ADGRG6: variants seen among roughly 807,000 people sequenced by gnomAD.
ADGRG6 encodes the protein adhesion G protein-coupled receptor G6.
In ADGRG6, 84 loss-of-function variants were observed where a neutral mutation model predicts 142.4. The observed-to-expected ratio is 0.59, with a 90% CI of 0.49 to 0.71. The LOEUF (loss-of-function observed/expected upper bound fraction) is 0.71. Among genes scored for constraint, ADGRG6 ranks in the 30% least tolerant of loss-of-function variants. ADGRG6 has a pLI of 0.00. For missense variants in ADGRG6, 1,367 were observed against 1,466.6 expected (o/e 0.93, Z 1.11); for synonymous variants, 521 against 520.5 (o/e 1.00, Z -0.01).
chr6:142,410,939 G>A (rs1776049029), intron 17 of ADGRG6, among the ~76,000 whole-genome samples: 1 of 133,320 alleles, frequency 7.5e-6, no homozygotes, highest in African/African-American at 3.4e-5. Context: ...TCATGAAAAT[G>A]TAGATTAACC....
At chr6:142,305,912 T>A (rs78289098) in intron 1 of ADGRG6, among the ~76,000 whole-genome samples, 2,892 of 152,168 alleles carry the variant, frequency 0.019, 98 homozygotes, top group African/African-American at 0.065. Context: ...CACTTTTTTT[T>A]AAATACATTG....
At chr6:142,425,100 C>G (rs1332801772) in intron 22 of ADGRG6, among the ~76,000 whole-genome samples, 1 of 152,130 alleles carries the variant, frequency 6.6e-6, no homozygotes, top group Non-Finnish European at 1.5e-5. Flanking sequence ...CAGAGAGGCA[C>G]AACAGAGAGG....
At chr6:142,375,215 G>A (rs1781446961) in intron 4 of ADGRG6, among the ~76,000 whole-genome samples, 1 of 152,140 alleles carries the variant, frequency 6.6e-6, no homozygotes, top group African/African-American at 2.4e-5. Flanking sequence ...CAAGCCTTAA[G>A]ATTATCGGAG....
intron 2 of ADGRG6, among the ~76,000 whole-genome samples, chr6:142,313,345 G>GC (rs1717376282): frequency 6.6e-6 from 1 of 151,894 alleles, no homozygotes; most frequent in Non-Finnish European, 1.5e-5. Flanking sequence ...CCATGACTCT[G>GC]AAGATGAATG....
At chr6:142,405,441 T>TC in intron 14 of ADGRG6, 1 of 590,408 alleles carries the variant, frequency 1.7e-6, no homozygotes, top group Non-Finnish European at 3.2e-6. Flanking sequence ...ATAGATTTCT[T>TC]CCTATGTCTT....
intron 2 of ADGRG6, among the ~76,000 whole-genome samples, chr6:142,360,354 T>A (rs1396438664): frequency 6.6e-6 from 1 of 152,180 alleles, no homozygotes; most frequent in African/African-American, 2.4e-5. Context: ...TTTGTTCAGA[T>A]GAGATTAGCC....
intron 2 of ADGRG6, among the ~76,000 whole-genome samples, chr6:142,314,069 T>A (rs1180325610): frequency 6.6e-6 from 1 of 152,206 alleles, no homozygotes; most frequent in East Asian, 1.9e-4. Context: ...GTTTTTCTGT[T>A]TCAGACCTCA....
chr6:142,400,196 T>G (rs770948317), intron 10 of ADGRG6, among the ~76,000 whole-genome samples: 12 of 152,356 alleles, frequency 7.9e-5, no homozygotes, highest in Middle Eastern at 3.4e-3. Context: ...CTGCTAATGA[T>G]TAGAATGATA....
chr6:142,350,685 G>C (rs1055499547), intron 2 of ADGRG6, among the ~76,000 whole-genome samples: 1 of 152,134 alleles, frequency 6.6e-6, no homozygotes, highest in Non-Finnish European at 1.5e-5. Context: ...ATCCTCAAGT[G>C]GAATTCAGTT....
intron 2 of ADGRG6, among the ~76,000 whole-genome samples, chr6:142,320,714 G>A (rs1393537818): frequency 6.6e-6 from 1 of 151,936 alleles, no homozygotes; most frequent in Non-Finnish European, 1.5e-5. Context: ...CATTTTTCTG[G>A]TTTCATAGCC....
In ADGRG6 at chr6:142,393,020, T is replaced by A. The variant is rs1397421100; in HGVS notation, c.1361+20T>A. On this transcript the variant is annotated intron_variant, in intron 8 of 24. Coordinates refer to ENST00000367609, the MANE Select transcript of ADGRG6 (RefSeq NM_198569.3). ...TATCAGGTAAGACAGAATAAATTAT[T>A]TGATAAATTAAAAGTAGTGTCTAAT... 3.0e-6 allele frequency: 4 copies of A among 1,350,378 alleles called. No individual in the cohort carries two copies. Among genetic ancestry groups the A allele is most frequent in the Non-Finnish European group, 4.2e-6 (4 of 946,262 alleles). The allele number at this position is 1,350,378 out of a possible 1,614,324, so 83.6% of individuals were successfully genotyped here.
At chr6:142,377,059 G>C (rs1781533132) in intron 4 of ADGRG6, among the ~76,000 whole-genome samples, 1 of 152,128 alleles carries the variant, frequency 6.6e-6, no homozygotes, top group African/African-American at 2.4e-5. Flanking sequence ...TTCCTCAACT[G>C]CCTGTTTCCA....
In ADGRG6 at chr6:142,393,901, A is replaced by C. The variant is rs1176169806; in HGVS notation, c.1367A>C (p.His456Pro). The stretch of plus-strand genomic sequence containing the variant: ...ATATGTATTTGTGTTTTTAGTTTTC[A>C]CCTGAGTGCTGGAGAGGACAAGATT... ...YTVYVVNISF[H>P]LSAGEDKIKV... The change falls in exon 9 of 25, where the codon CAC becomes CCC. Residue 456 changes from histidine to proline, a missense_variant. Around this residue, in one of 3 missense-constraint regions of ADGRG6, gnomAD observed 737 missense variants for 746.5 expected, o/e 0.99. Coordinates refer to ENST00000367609, the MANE Select transcript of ADGRG6 (RefSeq NM_198569.3). 2.6e-6 allele frequency: 4 copies of C among 1,550,342 alleles called. No individual in the cohort carries two copies. In the African/African-American group the frequency reaches 5.5e-5, roughly 21 times the overall value.
intron 16 of ADGRG6, among the ~76,000 whole-genome samples, chr6:142,409,101 G>A (rs1169606276): frequency 6.6e-6 from 1 of 152,066 alleles, no homozygotes; most frequent in East Asian, 1.9e-4. Context: ...TGTTCACATT[G>A]TTATGCAGCC....
intron 4 of ADGRG6, among the ~76,000 whole-genome samples, chr6:142,371,740 C>A (rs1257100322): frequency 6.6e-6 from 1 of 152,124 alleles, no homozygotes; most frequent in Non-Finnish European, 1.5e-5. Flanking sequence ...CCACCTTGGC[C>A]TCCCAAAATG....
chr6:142,435,132 G>C (rs111609439), intron 22 of ADGRG6, among the ~76,000 whole-genome samples: 1 of 151,836 alleles, frequency 6.6e-6, no homozygotes, highest in Non-Finnish European at 1.5e-5. Flanking sequence ...CCCTTAAAAG[G>C]ACTGTCATAA....
intron 2 of ADGRG6, among the ~76,000 whole-genome samples, chr6:142,312,377 C>T (rs1007555504): frequency 6.6e-6 from 1 of 151,916 alleles, no homozygotes; most frequent in Non-Finnish European, 1.5e-5. Context: ...AGTTTTGTGA[C>T]CTTCTGGATT....
chr6:142,370,510 C>G lies in ADGRG6; in HGVS notation c.786C>G (p.Gly262=), dbSNP rs1583049127. 30 of 1,613,468 alleles carry G rather than the reference C, an allele frequency of 1.9e-5. No individual in the cohort carries two copies. The East Asian group carries it at 6.7e-4, about 36-fold the overall frequency. ...QLCLVWNNSL[G]SIGVNFKRNY... is the part of the protein sequence containing the mutation. ...GCCTTGTTTGGAATAATTCTTTGGG[C>G]TCTATTGGTGTAAATTTCAAAAGAA... is the stretch of plus-strand genomic sequence containing the variant. Residue 262 remains glycine, a synonymous_variant, in exon 4 of 25, where the codon GGC becomes GGG. Transcript: ENST00000367609.
chr6:142,414,084 G>C (rs9496374), intron 18 of ADGRG6, among the ~76,000 whole-genome samples: 60,157 of 151,852 alleles, frequency 0.4, 13,564 homozygotes, highest in African/African-American at 0.62. Context: ...CATCCCTTCT[G>C]TAAGAACACT....
Sources: gnomAD v4.1 joint callset for allele counts (sites outside exome capture counted in the v4.1 genomes callset) on GRCh38, gnomAD v4.1.1 for gene constraint, gnomAD v4.1.1 regional missense constraint, MANE v1.5 for transcripts, NCBI Gene and HGNC (gene_info 2026-07-23, HGNC 2026-07-21) for gene names.